IQCM: variants seen among roughly 807,000 people sequenced by gnomAD.
IQCM encodes IQ domain-containing protein M.
IQCM carries 45 observed loss-of-function variants against 57.6 expected under a neutral mutation model. The ratio of observed to expected loss-of-function variants is 0.78; its 90% CI spans 0.62 to 1.00. The LOEUF is 1.00. IQCM is among the 50% of genes least tolerant of loss of function. IQCM has a pLI of 0.00. For missense variants in IQCM, 468 were observed against 511.6 expected (o/e 0.91, Z 0.82); for synonymous variants, 148 against 158.9 (o/e 0.93, Z 0.51).
At chr4:149,688,188 T>C (rs1260864694) in intron 5 of IQCM, among the ~76,000 whole-genome samples, 2 of 151,980 alleles carry the variant, frequency 1.3e-5, no homozygotes, top group African/African-American at 4.8e-5. Flanking sequence ...TATGATCATT[T>C]ACCTTGAAAA....
chr4:149,810,381 G>C (rs899292495), intron 2 of IQCM, among the ~76,000 whole-genome samples: 1 of 132,366 alleles, frequency 7.6e-6, no homozygotes, highest in African/African-American at 2.9e-5. Context: ...AAAAAAAAAA[G>C]AAAAGTTGGA....
In IQCM at chr4:149,404,619, A is replaced by G. The variant is rs560068181; in HGVS notation, c.1390+28777T>C. On this transcript the variant is annotated intron_variant, in intron 13 of 13. Transcript: ENST00000636793. Reference sequence around the variant, plus strand: ...TTATTTCTTGGAGTGTAAAATACAGAAGTCTAGCAGCTGGTGAAAGCTAAA... The same window carrying G: ...TTATTTCTTGGAGTGTAAAATACAGGAGTCTAGCAGCTGGTGAAAGCTAAA... 2.6e-5 allele frequency among the ~76,000 whole-genome samples: 4 copies of G among 152,200 alleles called. No individual in the cohort carries two copies. In the South Asian group the frequency reaches 8.3e-4, roughly 31 times the overall value.
chr4:149,375,222 T>G (rs1730630513), intron 13 of IQCM, among the ~76,000 whole-genome samples: 1 of 152,118 alleles, frequency 6.6e-6, no homozygotes, highest in Non-Finnish European at 1.5e-5. Flanking sequence ...TAAACAACAT[T>G]TGGGAAAACC....
intron 12 of IQCM, among the ~76,000 whole-genome samples, chr4:149,444,017 G>T (rs1174930182): frequency 1.3e-5 from 2 of 150,716 alleles, no homozygotes; most frequent in Admixed American, 1.3e-4. Flanking sequence ...TTCATTAAAA[G>T]GATCAAAAAT....
At chr4:149,477,947 C>G (rs1740376177) in intron 12 of IQCM, among the ~76,000 whole-genome samples, 2 of 152,058 alleles carry the variant, frequency 1.3e-5, no homozygotes, top group Non-Finnish European at 2.9e-5. Flanking sequence ...TTCTGACTCT[C>G]AACCTTCAAA....
At chr4:149,702,478 A>G (rs976203918) in intron 5 of IQCM, among the ~76,000 whole-genome samples, 1 of 151,940 alleles carries the variant, frequency 6.6e-6, no homozygotes, top group Non-Finnish European at 1.5e-5. Context: ...CACACAGGAG[A>G]ATGGTCTTGA....
chr4:149,609,434 C>CA (rs1755085448), intron 8 of IQCM, among the ~76,000 whole-genome samples: 1 of 151,704 alleles, frequency 6.6e-6, no homozygotes, highest in Non-Finnish European at 1.5e-5. Flanking sequence ...AAAGCCAGAA[C>CA]AAAATCAAAG....
At chr4:149,689,337 C>G (rs1008103163) in intron 5 of IQCM, among the ~76,000 whole-genome samples, 4 of 152,002 alleles carry the variant, frequency 2.6e-5, no homozygotes, top group East Asian at 1.9e-4. Flanking sequence ...CATGTTCTCA[C>G]TCATAAGTGG....
chr4:149,488,454 A>T (rs1321670887), intron 12 of IQCM, among the ~76,000 whole-genome samples: 1 of 152,168 alleles, frequency 6.6e-6, no homozygotes, highest in Non-Finnish European at 1.5e-5. Context: ...CCAAATTTGA[A>T]ACTTCAAAGT....
chr4:149,544,645 T>C (rs1748198486), intron 12 of IQCM, among the ~76,000 whole-genome samples: 1 of 152,122 alleles, frequency 6.6e-6, no homozygotes. Flanking sequence ...TTTCAACCTA[T>C]ATTAAAAAGC....
At chr4:149,798,249 C>T (rs2150043472) in intron 2 of IQCM, among the ~76,000 whole-genome samples, 1 of 151,878 alleles carries the variant, frequency 6.6e-6, no homozygotes, top group Non-Finnish European at 1.5e-5. Context: ...CTTGTTTTTG[C>T]AAACAGTGTT....
At chr4:149,443,515 A>G (rs1289711654) in intron 12 of IQCM, among the ~76,000 whole-genome samples, 1 of 152,124 alleles carries the variant, frequency 6.6e-6, no homozygotes, top group East Asian at 1.9e-4. Context: ...TATGAAGCCA[A>G]GTATAAAGAC....
chr4:149,522,802 G>A (rs1228799458), intron 12 of IQCM, among the ~76,000 whole-genome samples: 1 of 152,136 alleles, frequency 6.6e-6, no homozygotes, highest in Non-Finnish European at 1.5e-5. Context: ...GAATGTACAA[G>A]TTGAAAGAAT....
Position 149,351,891 on chromosome 4 carries a change from T to C in IQCM, c.*60A>G, listed in dbSNP as rs1219244383. ...ATACAGAATTGATCCACCTCCAGTG[T>C]TAACTTGTCTCTTTGGGTAGAGAAG... On this transcript the variant is annotated 3_prime_UTR_variant, in exon 14 of 14. Transcript: ENST00000636793. 4.0e-5 allele frequency: 16 copies of C among 398,048 alleles called. No homozygotes were observed. The highest frequency in any genetic ancestry group is 6.6e-5 in the Non-Finnish European group (15 of 225,706). The allele number at this position is 398,048 out of a possible 1,614,324, so 24.7% of individuals were successfully genotyped here. A position where few individuals can be genotyped will look rare whatever the true frequency, so the allele number is the denominator to read the frequency against.
chr4:149,640,259 A>T (rs1283009085), intron 7 of IQCM, among the ~76,000 whole-genome samples: 3 of 152,214 alleles, frequency 2.0e-5, no homozygotes, highest in Non-Finnish European at 4.4e-5. Flanking sequence ...TTGGATATTA[A>T]TCCCCTCAAG....
intron 10 of IQCM, among the ~76,000 whole-genome samples, chr4:149,557,974 T>A (rs969125460): frequency 6.6e-6 from 1 of 152,244 alleles, no homozygotes; most frequent in African/African-American, 2.4e-5. Flanking sequence ...ATGAACTTAC[T>A]GTTACTAAAG....
chr4:149,501,357 A>G (rs528325424), intron 12 of IQCM, among the ~76,000 whole-genome samples: 230 of 152,342 alleles, frequency 1.5e-3, no homozygotes, highest in African/African-American at 5.2e-3. Context: ...GGCCTGAAAT[A>G]TAACAGATAT....
intron 13 of IQCM, among the ~76,000 whole-genome samples, chr4:149,386,116 C>T (rs1014209322): frequency 6.6e-6 from 1 of 151,950 alleles, no homozygotes; most frequent in African/African-American, 2.4e-5. Flanking sequence ...GTTAGTGCTC[C>T]ATCTTGTACA....
intron 12 of IQCM, among the ~76,000 whole-genome samples, chr4:149,481,707 T>TTTTTTTGTTTTTTGTTTTTG (rs1553975413): frequency 6.6e-5 from 9 of 136,454 alleles, no homozygotes; most frequent in South Asian, 2.4e-4. Flanking sequence ...TTTTGTTTTT[T>TTTTTTTGTTTTTTGTTTTTG]TTTTTTTTTT....
Sources: gnomAD v4.1 joint callset for allele counts (sites outside exome capture counted in the v4.1 genomes callset) on GRCh38, gnomAD v4.1.1 for gene constraint, MANE v1.5 for transcripts, NCBI Gene and HGNC (gene_info 2026-07-23, HGNC 2026-07-21) for gene names.